KIAA1217: variants seen among roughly 807,000 people sequenced by gnomAD.
KIAA1217 encodes KIAA1217.
In KIAA1217, 88 loss-of-function variants were observed where a neutral mutation model predicts 163.9. The observed-to-expected ratio is 0.54, with a 90% CI of 0.45 to 0.64. The LOEUF (loss-of-function observed/expected upper bound fraction) is 0.64, where lower values mean the gene tolerates loss of function less well. Ranked by LOEUF, KIAA1217 falls within the 30% of genes least tolerant of loss-of-function variation. KIAA1217 has a pLI of 0.00. For synonymous variants in KIAA1217, 903 were observed against 923.1 expected, an observed-to-expected ratio of 0.98 and a Z score of 0.39; for missense variants, 2,372 against 2,475.0, an observed-to-expected ratio of 0.96 and a Z score of 0.88.
chr10:23,834,427 T>C (rs1838354869), intron 1 of KIAA1217, among the ~76,000 whole-genome samples: 1 of 152,232 alleles, frequency 6.6e-6, no homozygotes, highest in East Asian at 1.9e-4. Flanking sequence ...CAGTATATTC[T>C]AGGCATTATT....
intron 3 of KIAA1217, among the ~76,000 whole-genome samples, chr10:24,386,315 T>A (rs1240669648): frequency 6.6e-6 from 1 of 152,214 alleles, no homozygotes; most frequent in Non-Finnish European, 1.5e-5. Flanking sequence ...GTGTGGCTGT[T>A]CTTTTATTCC....
At chr10:24,342,815 C>A (rs559138261) in intron 2 of KIAA1217, among the ~76,000 whole-genome samples, 1 of 152,008 alleles carries the variant, frequency 6.6e-6, no homozygotes, top group Non-Finnish European at 1.5e-5. Flanking sequence ...CATGCCACCA[C>A]ATCCGGCTGA....
At chr10:24,238,450 G>A (rs1241773018) in intron 2 of KIAA1217, among the ~76,000 whole-genome samples, 3 of 152,102 alleles carry the variant, frequency 2.0e-5, no homozygotes, top group African/African-American at 4.8e-5. Context: ...TAGAGCCTAC[G>A]GACCATTTCC....
chr10:24,338,679 G>GT (rs1261356351), intron 2 of KIAA1217, among the ~76,000 whole-genome samples: 1 of 152,130 alleles, frequency 6.6e-6, no homozygotes, highest in Non-Finnish European at 1.5e-5. Flanking sequence ...TAATGTAAAC[G>GT]TATTTGCTTT....
At chr10:23,888,428 A>T (rs1564508804) in intron 1 of KIAA1217, among the ~76,000 whole-genome samples, 1 of 151,892 alleles carries the variant, frequency 6.6e-6, no homozygotes, top group Non-Finnish European at 1.5e-5. Flanking sequence ...TCCTGAATAG[A>T]TATACACATC....
intron 10 of KIAA1217, among the ~76,000 whole-genome samples, chr10:24,517,992 A>G (rs2070464704): frequency 6.6e-6 from 1 of 152,144 alleles, no homozygotes; most frequent in Admixed American, 6.5e-5. Context: ...GAGACTGTCT[A>G]AAAATAAAAA....
chr10:23,734,029 T>C (rs1255016571), intron 1 of KIAA1217, among the ~76,000 whole-genome samples: 2 of 152,266 alleles, frequency 1.3e-5, no homozygotes, highest in Admixed American at 1.3e-4. Context: ...TCATGTAACA[T>C]TTAATATGAA....
chr10:23,789,904 CATATACATATGCATATACATGTATAT>C (rs1835660953), intron 1 of KIAA1217, among the ~76,000 whole-genome samples: 1 of 143,948 alleles, frequency 6.9e-6, no homozygotes, highest in South Asian at 2.1e-4. Context: ...ATGATATATA[CATATACATATGCATATACATGTATAT>C]ATACACATAT....
At chr10:24,310,518 G>A (rs1248686425) in intron 2 of KIAA1217, among the ~76,000 whole-genome samples, 1 of 152,144 alleles carries the variant, frequency 6.6e-6, no homozygotes, top group Admixed American at 6.5e-5. Context: ...AACTTTCTCA[G>A]TTTTCAGGAA....
chr10:23,754,637 T>A (rs1037149515), intron 1 of KIAA1217, among the ~76,000 whole-genome samples: 2 of 152,212 alleles, frequency 1.3e-5, no homozygotes, highest in Non-Finnish European at 2.9e-5. Flanking sequence ...TCTATCCTTT[T>A]TATCTTTAAT....
At chr10:24,115,023 T>C (rs2062997044) in intron 2 of KIAA1217, among the ~76,000 whole-genome samples, 2 of 152,238 alleles carry the variant, frequency 1.3e-5, no homozygotes, top group Admixed American at 1.3e-4. Flanking sequence ...GAAGGTTCTC[T>C]CTAATCCTAA....
At chr10:23,853,609 C>A (rs538360779) in intron 1 of KIAA1217, among the ~76,000 whole-genome samples, 1 of 152,200 alleles carries the variant, frequency 6.6e-6, no homozygotes, top group Admixed American at 6.5e-5. Flanking sequence ...CTCCTTGTAC[C>A]TCTGGTAGAA....
intron 1 of KIAA1217, among the ~76,000 whole-genome samples, chr10:23,895,897 A>T (rs992589739): frequency 3.3e-5 from 5 of 150,856 alleles, no homozygotes; most frequent in African/African-American, 9.8e-5. Flanking sequence ...CAAGAACAAA[A>T]AACCAAACAC....
At position 24,057,290 on chromosome 10, in the gene KIAA1217, C is replaced by T. The variant is rs148288872; in HGVS notation, c.-171+49916C>T. On this transcript the variant is annotated intron_variant, in intron 2 of 18. Coordinates refer to the KIAA1217 transcript ENST00000376462. ...TAAAATGTATTATGGCAACATAACA[C>T]GTGATCTAGCCTCTTAACACATTTT... Among the ~76,000 whole-genome samples, 928 of 152,240 alleles carry T rather than the reference C, an allele frequency of 6.1e-3. 10 individuals carry two copies. The highest frequency in any genetic ancestry group is 0.021 in the African/African-American group (859 of 41,530).
intron 2 of KIAA1217, among the ~76,000 whole-genome samples, chr10:24,257,054 T>C (rs2075241053): frequency 6.6e-6 from 1 of 152,062 alleles, no homozygotes; most frequent in South Asian, 2.1e-4. Context: ...GGAAAACAAT[T>C]TTTTTCAAAG....
intron 1 of KIAA1217, among the ~76,000 whole-genome samples, chr10:23,743,882 GTT>G (rs2130816652): frequency 7.0e-6 from 1 of 143,310 alleles, no homozygotes; most frequent in South Asian, 2.1e-4. Flanking sequence ...GTTTTTGCGT[GTT>G]GTTTTAATTT....
intron 2 of KIAA1217, among the ~76,000 whole-genome samples, chr10:24,339,464 T>A (rs1327637562): frequency 1.3e-5 from 2 of 152,214 alleles, no homozygotes; most frequent in Non-Finnish European, 2.9e-5. Flanking sequence ...GTAACATGTT[T>A]GAAGCTCAGA....
intron 1 of KIAA1217, among the ~76,000 whole-genome samples, chr10:23,908,425 A>G (rs1842273445): frequency 6.6e-6 from 1 of 151,552 alleles, no homozygotes; most frequent in South Asian, 2.1e-4. Context: ...TGTTCTTCCC[A>G]CCTCTTGGAC....
intron 1 of KIAA1217, among the ~76,000 whole-genome samples, chr10:23,856,572 T>A (rs1225752619): frequency 2.0e-5 from 3 of 152,208 alleles, no homozygotes; most frequent in Non-Finnish European, 2.9e-5. Flanking sequence ...TCTGCAGAGG[T>A]TACTGCTGTC....
Sources: allele counts gnomAD v4.1 joint callset (sites outside exome capture counted in the v4.1 genomes callset), GRCh38; gene constraint gnomAD v4.1.1; transcripts MANE v1.5; gene names NCBI Gene and HGNC (gene_info 2026-07-23, HGNC 2026-07-21).